The following CD300LB variants were observed in gnomAD, a reference collection of about 807,000 sequenced individuals.
The protein encoded by CD300LB is CD300 molecule like family member b.
Under a neutral mutation model 20.8 loss-of-function variants are expected in CD300LB, and 18 were observed. The ratio of observed to expected loss-of-function variants is 0.87; its 90% confidence interval spans 0.60 to 1.28. The LOEUF (loss-of-function observed/expected upper bound fraction) is 1.28, where lower values mean the gene tolerates loss of function less well. CD300LB is among the 50% of genes most tolerant of loss of function. CD300LB has a pLI of 0.00. For synonymous variants in CD300LB, 91 were observed against 91.3 expected, an observed-to-expected ratio of 1.00 and a Z score of 0.02; for missense variants, 222 against 251.8, an observed-to-expected ratio of 0.88 and a Z score of 0.80.
intron 2 of CD300LB, 130 bp from the exon 3 acceptor site, chr17:74,523,781 CCTG>C: frequency 1.5e-6 from 1 of 672,102 alleles, no homozygotes; most frequent in South Asian, 1.6e-5. Flanking sequence ...ATTTTTCTCT[CCTG>C]CTACAGCCCC....
Position 74,526,037 on chromosome 17 carries a change from T to G in CD300LB, c.81A>C (p.Pro27=), listed in dbSNP as rs764966030. 1.4e-5 allele frequency: 22 copies of G among 1,613,960 alleles called. No individual in the cohort carries two copies. The South Asian group carries it at 2.4e-4, about 18-fold the overall frequency. ...ATTGAACCGTCAGGGACCCCTGCTC[T>G]GGGGCTCTCACAGACTCTGGGCCTT... The part of the protein sequence containing the change: ...SIQGPESVRA[P]EQGSLTVQCH... Residue 27 remains proline (P), a synonymous_variant, in exon 2 of 4, where the codon CCA becomes CCC. Coordinates refer to ENST00000392621, the MANE Select transcript of CD300LB (RefSeq NM_174892.4).
Position 74,524,513 on chromosome 17 carries a change from A to G in CD300LB, c.371-862T>C, listed in dbSNP as rs1255318631. Among the ~76,000 whole-genome samples, 4 of 152,178 alleles carry G rather than the reference A, an allele frequency of 2.6e-5. No individual in the cohort carries two copies. In the East Asian group the frequency reaches 7.7e-4, roughly 29 times the overall value. ...TGAAGTGGAAGGATTGATTGAGCCC[A>G]GGAGGTCGAGGCTGCAGTGAGTCAA... On this transcript the variant is annotated intron_variant, in intron 2 of 3. Transcript: ENST00000392621.
At chr17:74,529,356 C>T (rs188051699) in intron 1 of CD300LB, among the ~76,000 whole-genome samples, 278 of 152,116 alleles carry the variant, frequency 1.8e-3, no homozygotes, top group Middle Eastern at 3.4e-3. Flanking sequence ...TTTTGTGTTT[C>T]CAACCTCATA....
chr17:74,527,436 G>T (rs145459459), intron 1 of CD300LB, among the ~76,000 whole-genome samples: 2 of 152,344 alleles, frequency 1.3e-5, no homozygotes, highest in East Asian at 3.9e-4. Context: ...GGCAGATGCC[G>T]CCTCCTCACA....
At chr17:74,524,815 C>T (rs1023052709) in intron 2 of CD300LB, among the ~76,000 whole-genome samples, 19 of 152,068 alleles carry the variant, frequency 1.2e-4, no homozygotes, top group Admixed American at 8.5e-4. Context: ...CTCTTTGTAC[C>T]GCCTGCATGT....
At chr17:74,526,199 C>T (rs954816335) in intron 1 of CD300LB, 122 bp from the exon 2 acceptor site, 165 of 1,369,256 alleles carry the variant, frequency 1.2e-4, no homozygotes, top group Non-Finnish European at 1.6e-4. Context: ...CAAGATACAG[C>T]TCCTGTTGCC....
chr17:74,526,150 T>C, intron 1 of CD300LB, 73 bp from the exon 2 acceptor site: 2 of 1,545,040 alleles, frequency 1.3e-6, no homozygotes, highest in Non-Finnish European at 1.7e-6. Context: ...TCACGGACTC[T>C]GGGCCTTGGA....
At position 74,522,433 on chromosome 17, in the gene CD300LB, C is replaced by T; in HGVS notation, c.*305G>A. 9.2e-7 allele frequency: 1 copy of T among 1,091,782 alleles called. No homozygotes were observed. The highest frequency in any genetic ancestry group is 1.1e-6 in the Non-Finnish European group (1 of 895,796). The allele number at this position is 1,091,782 out of a possible 1,614,324, so 67.6% of individuals were successfully genotyped here. A position where few individuals can be genotyped will look rare whatever the true frequency, so the allele number is the denominator to read the frequency against. On this transcript the variant is annotated 3_prime_UTR_variant, in exon 4 of 4. Transcript: ENST00000392621. Reference sequence around the variant, plus strand: ...CCTCTTTCTGTACTTTGGTCCCATGCTCTGTGCCCGAGTTATTCCAGCAGT... The same window carrying T: ...CCTCTTTCTGTACTTTGGTCCCATGTTCTGTGCCCGAGTTATTCCAGCAGT...
At chr17:74,528,344 C>A (rs1292557828) in intron 1 of CD300LB, among the ~76,000 whole-genome samples, 4 of 152,088 alleles carry the variant, frequency 2.6e-5, no homozygotes, top group Non-Finnish European at 4.4e-5. Context: ...CCTACTTGCA[C>A]CTCAATTTTA....
At position 74,523,795 on chromosome 17, in the gene CD300LB, T is replaced by C. The variant is rs1442591407; in HGVS notation, c.371-144A>G. The C allele has an allele frequency of 6.1e-6, 4 of 656,508 alleles. No individual in the cohort carries two copies. The East Asian group carries it at 1.1e-4, about 18-fold the overall frequency. 40.7% of individuals were successfully genotyped at this position (656,508 alleles called of 1,614,324 possible). A position where few individuals can be genotyped will look rare whatever the true frequency, so the allele number is the denominator to read the frequency against. On this transcript the variant is annotated intron_variant, in intron 2 of 3. Coordinates refer to ENST00000392621, the MANE Select transcript of CD300LB (RefSeq NM_174892.4). ...GATTTTTCTCTCCTGCTACAGCCCCTCATGCTTCTACTGAGTCACTTCAAT... is the reference window on the plus strand; with the variant it reads ...GATTTTTCTCTCCTGCTACAGCCCCCCATGCTTCTACTGAGTCACTTCAAT...
chr17:74,524,758 C>T (rs909127584), intron 2 of CD300LB, among the ~76,000 whole-genome samples: 1 of 152,136 alleles, frequency 6.6e-6, no homozygotes, highest in Non-Finnish European at 1.5e-5. Flanking sequence ...CCCAAGACTC[C>T]GGAACATCTC....
chr17:74,528,747 C>G (rs1301125457), intron 1 of CD300LB, among the ~76,000 whole-genome samples: 6 of 152,078 alleles, frequency 3.9e-5, no homozygotes, highest in Non-Finnish European at 2.9e-5. Context: ...AGTTGGGAAA[C>G]CCTGGCAGAG....
rs1468801141 is a variant in CD300LB at position 74,525,818 on chromosome 17, A to C, written c.300T>G (p.Asp100Glu). Residue 100 changes from aspartate (D) to glutamate (E), a missense_variant, in exon 2 of 4, where the codon GAT becomes GAG. Transcript: ENST00000392621. ...TMEGLRRDDA[D>E]VYWCGIERRG... ...TTCTTTCAATCCCACACCAGTAAACATCTGCGTCATCTCGCCTGAGCCCCT... is the reference window on the plus strand; with the variant it reads ...TTCTTTCAATCCCACACCAGTAAACCTCTGCGTCATCTCGCCTGAGCCCCT... 6.2e-7 allele frequency: 1 copy of C among 1,614,082 alleles called. No homozygotes were observed. The highest frequency in any genetic ancestry group is 8.5e-7 in the Non-Finnish European group (1 of 1,180,024).
At position 74,522,618 on chromosome 17, in the gene CD300LB, C is replaced by T. The variant is rs1049847294; in HGVS notation, c.*120G>A. The T allele has an allele frequency of 1.3e-5, 19 of 1,517,928 alleles. No homozygotes were observed. Among genetic ancestry groups the T allele is most frequent in the African/African-American group, 2.8e-5 (2 of 72,422 alleles). The allele number at this position is 1,517,928 out of a possible 1,614,324, so 94.0% of individuals were successfully genotyped here. A position where few individuals can be genotyped will look rare whatever the true frequency, so the allele number is the denominator to read the frequency against. On this transcript the variant is annotated 3_prime_UTR_variant, in exon 4 of 4. Transcript: ENST00000392621. ...GTGCCCACCAGCTCCAAGGCCAGGGCGGAGGCCCAGGGCCCCTATCTCAGT... is the reference window on the plus strand; with the variant it reads ...GTGCCCACCAGCTCCAAGGCCAGGGTGGAGGCCCAGGGCCCCTATCTCAGT...
At position 74,525,554 on chromosome 17, in the gene CD300LB, G is replaced by T. The variant is rs1401615221; in HGVS notation, c.370+194C>A. ...GGGACTGAGATAGCAGAGCGATGCTGGCCACCACTCTCCCTTAGTTTCTGT... is the reference window on the plus strand; with the variant it reads ...GGGACTGAGATAGCAGAGCGATGCTTGCCACCACTCTCCCTTAGTTTCTGT... On this transcript the variant is annotated intron_variant, in intron 2 of 3. Coordinates refer to ENST00000392621, the MANE Select transcript of CD300LB (RefSeq NM_174892.4). Among the ~76,000 whole-genome samples the T allele has an allele frequency of 2.6e-5, 4 of 152,104 alleles. 1 individual carries two copies. Among genetic ancestry groups the T allele is most frequent in the Admixed American group, 6.5e-5 (1 of 15,282 alleles).
chr17:74,528,082 A>G (rs532506695), intron 1 of CD300LB, among the ~76,000 whole-genome samples: 1 of 148,298 alleles, frequency 6.7e-6, no homozygotes, highest in East Asian at 2.0e-4. Context: ...GTCTCCCATC[A>G]CCCCCAGATG....
intron 2 of CD300LB, among the ~76,000 whole-genome samples, chr17:74,524,210 G>A (rs550604214): frequency 1.3e-5 from 2 of 152,200 alleles, no homozygotes; most frequent in African/African-American, 4.8e-5. Flanking sequence ...GGTCAGGGGG[G>A]CCCTGAGCCC....
chr17:74,530,869 G>A (rs920099099), intron 1 of CD300LB, among the ~76,000 whole-genome samples: 4 of 151,798 alleles, frequency 2.6e-5, no homozygotes, highest in Non-Finnish European at 4.4e-5. Flanking sequence ...GCTGTGGTGC[G>A]ATCATAACTC....
intron 1 of CD300LB, among the ~76,000 whole-genome samples, chr17:74,527,523 A>G (rs1409821087): frequency 6.6e-6 from 1 of 152,230 alleles, no homozygotes; most frequent in Non-Finnish European, 1.5e-5. Context: ...TGTCCCCCAT[A>G]GCTGTTGGCA....
Sources: gnomAD v4.1 joint callset for allele counts (sites outside exome capture counted in the v4.1 genomes callset) on GRCh38, gnomAD v4.1.1 for gene constraint, MANE v1.5 for transcripts, NCBI Gene and HGNC (gene_info 2026-07-23, HGNC 2026-07-21) for gene names.